Variants in DCC observed in about 807,000 individuals in gnomAD.
DCC encodes the protein netrin receptor DCC.
In DCC, 58 loss-of-function variants were observed where a neutral mutation model predicts 172.5. The observed-to-expected ratio is 0.34, with a 90% CI of 0.27 to 0.42. DCC has a LOEUF of 0.42. Among genes scored for constraint, DCC ranks in the 10% least tolerant of loss-of-function variants. DCC has a pLI of 1.00. For synonymous variants in DCC, 709 were observed against 644.5 expected (o/e 1.10, Z -1.52); for missense variants, 1,740 against 1,791.0 (o/e 0.97, Z 0.51).
At chr18:53,033,689 C>G (rs956874556) in intron 5 of DCC, among the ~76,000 whole-genome samples, 1 of 152,078 alleles carries the variant, frequency 6.6e-6, no homozygotes, top group Non-Finnish European at 1.5e-5. Flanking sequence ...CAACCACATA[C>G]AAATATGCCA....
intron 7 of DCC, among the ~76,000 whole-genome samples, chr18:53,093,181 G>A (rs2043038470): frequency 6.6e-6 from 1 of 152,118 alleles, no homozygotes; most frequent in African/African-American, 2.4e-5. Context: ...GGTGGCTGAG[G>A]CAGGAGAATC....
chr18:53,186,053 G>A (rs564106283), intron 9 of DCC, among the ~76,000 whole-genome samples: 6 of 152,264 alleles, frequency 3.9e-5, no homozygotes, highest in African/African-American at 7.2e-5. Context: ...GTGGTATATC[G>A]TAAGTGTAAT....
chr18:52,539,838 A>C (rs2032389150), intron 1 of DCC, among the ~76,000 whole-genome samples: 1 of 152,220 alleles, frequency 6.6e-6, no homozygotes, highest in Non-Finnish European at 1.5e-5. Flanking sequence ...GCCATTCCAC[A>C]AAACATGTTA....
chr18:53,147,886 T>A (rs2043939290), intron 7 of DCC, among the ~76,000 whole-genome samples: 1 of 152,232 alleles, frequency 6.6e-6, no homozygotes, highest in African/African-American at 2.4e-5. Context: ...ATTGGAGCCA[T>A]TTTAATGAGT....
In DCC at chr18:52,969,582, C is replaced by CACTCTCTCTCTCTCTCTCTCTCT. The variant is rs60961374; in HGVS notation, c.985+44212_985+44213insACTCTCTCTCTCTCTCTCTCTCT. Reference sequence around the variant, plus strand: ...GCAATTTCCTTATTTGCCCCGCCCCCCACTCTCTCTCTCTCTCTCTCTCTC... The same window carrying CACTCTCTCTCTCTCTCTCTCTCT: ...GCAATTTCCTTATTTGCCCCGCCCCCACTCTCTCTCTCTCTCTCTCTCTCACTCTCTCTCTCTCTCTCTCTCTC... On this transcript the variant is annotated intron_variant, in intron 5 of 28. Transcript: ENST00000442544. Among the ~76,000 whole-genome samples, 3 of 80,062 alleles carry CACTCTCTCTCTCTCTCTCTCTCT rather than the reference C, an allele frequency of 3.7e-5. 1 individual carries two copies. Among genetic ancestry groups the CACTCTCTCTCTCTCTCTCTCTCT allele is most frequent in the Admixed American group, 2.7e-4 (2 of 7,304 alleles). 52.5% of individuals were successfully genotyped at this position (80,062 alleles called of 152,430 possible). A position where few individuals can be genotyped will look rare whatever the true frequency, so the allele number is the denominator to read the frequency against.
At chr18:53,320,604 C>T (rs1332297056) in intron 13 of DCC, among the ~76,000 whole-genome samples, 1 of 152,120 alleles carries the variant, frequency 6.6e-6, no homozygotes, top group African/African-American at 2.4e-5. Context: ...TCAAAGTGAG[C>T]ACGAGCCTAC....
At chr18:52,503,516 C>A (rs7238820) in intron 1 of DCC, among the ~76,000 whole-genome samples, 1 of 152,052 alleles carries the variant, frequency 6.6e-6, no homozygotes, top group Non-Finnish European at 1.5e-5. Context: ...GAAAAGCATG[C>A]GATTGTGCTC....
At chr18:53,151,237 C>A (rs1212960501) in intron 7 of DCC, among the ~76,000 whole-genome samples, 1 of 152,160 alleles carries the variant, frequency 6.6e-6, no homozygotes, top group Admixed American at 6.5e-5. Context: ...TATCTGGAAA[C>A]AGAATAGAAA....
chr18:53,213,075 G>A (rs2055783444), intron 11 of DCC, among the ~76,000 whole-genome samples: 1 of 152,076 alleles, frequency 6.6e-6, no homozygotes, highest in Admixed American at 6.6e-5. Context: ...AGTTTTCTTG[G>A]CTTTCTAGAA....
intron 7 of DCC, among the ~76,000 whole-genome samples, chr18:53,079,654 AAAAGGAGATAGCAC>A (rs1162567945): frequency 6.6e-6 from 1 of 152,168 alleles, no homozygotes; most frequent in Non-Finnish European, 1.5e-5. Flanking sequence ...AGGGGTAAGA[AAAAGGAGATAGCAC>A]AAAGGAGAAC....
At chr18:52,527,772 T>C (rs1014603994) in intron 1 of DCC, among the ~76,000 whole-genome samples, 6 of 152,202 alleles carry the variant, frequency 3.9e-5, no homozygotes, top group Non-Finnish European at 5.9e-5. Context: ...TTGTGGCTGG[T>C]AAAAGTATTT....
rs532353903 is a variant in DCC, at chr18:52,938,672, A to T, written c.985+13302A>T. ...TATTAATCACTCACATATATAATAC[A>T]TATGAAAACTGTCAAAATAAGTAAA... is the stretch of plus-strand genomic sequence containing the variant. On this transcript the variant is annotated intron_variant, in intron 5 of 28. Transcript: ENST00000442544. 9.9e-5 allele frequency among the ~76,000 whole-genome samples: 15 copies of T among 152,264 alleles called. No individual in the cohort carries two copies. The South Asian group carries it at 2.7e-3, about 27-fold the overall frequency.
chr18:53,410,577 C>T lies in DCC; in HGVS notation c.3061C>T (p.Arg1021Ter), dbSNP rs1909920019. The T allele has an allele frequency of 1.2e-6, 2 of 1,610,282 alleles. No homozygotes were observed. Among genetic ancestry groups the T allele is most frequent in the Non-Finnish European group, 1.7e-6 (2 of 1,176,620 alleles). ...CAACCTTGATACTATGTATTACTTT[C>T]GAATTCAAGCACGAAATTCAAAAGG... The part of the protein sequence containing the change: ...DLNLDTMYYF[R>*]IQARNSKGVG... The change falls in exon 20 of 29, where the codon CGA becomes TGA. Residue 1021 changes from arginine to a stop codon, truncating the protein, a stop_gained. Coordinates refer to ENST00000442544, the MANE Select transcript of DCC (RefSeq NM_005215.4). LOFTEE classifies it high-confidence loss of function.
chr18:53,366,665 A>G (rs1298440851), intron 15 of DCC, among the ~76,000 whole-genome samples: 2 of 152,166 alleles, frequency 1.3e-5, no homozygotes, highest in Non-Finnish European at 2.9e-5. Context: ...TCCAAAAGCA[A>G]TTACTTTAAT....
chr18:53,300,122 G>A (rs1371157738), intron 12 of DCC, among the ~76,000 whole-genome samples: 4 of 152,156 alleles, frequency 2.6e-5, no homozygotes, highest in Non-Finnish European at 5.9e-5. Context: ...TATGTAACTA[G>A]ATTCCTCTGA....
chr18:53,016,515 A>C (rs978395124), intron 5 of DCC, among the ~76,000 whole-genome samples: 1 of 152,088 alleles, frequency 6.6e-6, no homozygotes, highest in African/African-American at 2.4e-5. Flanking sequence ...AAAACTGAAA[A>C]CGTCTGTTAT....
intron 12 of DCC, among the ~76,000 whole-genome samples, chr18:53,264,816 A>G (rs557955045): frequency 6.6e-6 from 1 of 152,298 alleles, no homozygotes; most frequent in East Asian, 1.9e-4. Context: ...ACAATATGCC[A>G]TAAAGTCAAG....
At chr18:52,500,644 C>T (rs534209922) in intron 1 of DCC, among the ~76,000 whole-genome samples, 5 of 152,124 alleles carry the variant, frequency 3.3e-5, no homozygotes, top group Non-Finnish European at 5.9e-5. Flanking sequence ...ATACAATTTT[C>T]TATTAAAAAT....
chr18:52,848,144 G>GGT (rs1218915475), intron 2 of DCC, among the ~76,000 whole-genome samples: 36 of 145,510 alleles, frequency 2.5e-4, no homozygotes, highest in African/African-American at 8.7e-4. Flanking sequence ...GGAGTGCAGT[G>GGT]GTGCAATCTC....
Sources: allele counts gnomAD v4.1 joint callset (sites outside exome capture counted in the v4.1 genomes callset), GRCh38; gene constraint gnomAD v4.1.1; transcripts MANE v1.5; gene names NCBI Gene and HGNC (gene_info 2026-07-23, HGNC 2026-07-21).